The following E2F7 variants were observed in gnomAD, a reference collection of about 807,000 sequenced individuals.
The protein encoded by E2F7 is transcription factor E2F7.
E2F7 carries 35 observed loss-of-function variants against 81.1 expected under a neutral mutation model. The observed-to-expected ratio is 0.43, with a 90% confidence interval of 0.33 to 0.57. The LOEUF (loss-of-function observed/expected upper bound fraction) is 0.57, where lower values mean the gene tolerates loss of function less well. Ranked by LOEUF, E2F7 falls within the 20% of genes least tolerant of loss-of-function variation. The probability of loss-of-function intolerance (pLI) is 0.04; values close to 1 mark genes in which losing one functional copy is unlikely to be tolerated. For synonymous variants in E2F7, 416 were observed against 416.2 expected (o/e 1.00, Z 0.01); for missense variants, 961 against 1,093.7 (o/e 0.88, Z 1.71).
intron 4 of E2F7, among the ~76,000 whole-genome samples, chr12:77,048,941 T>G (rs1954964331): frequency 6.6e-6 from 1 of 152,196 alleles, no homozygotes; most frequent in Non-Finnish European, 1.5e-5. Flanking sequence ...GTAGGCTTCA[T>G]GAACCCCAAT....
intron 7 of E2F7, among the ~76,000 whole-genome samples, chr12:77,039,471 A>G (rs1387953342): frequency 6.6e-6 from 1 of 152,350 alleles, no homozygotes; most frequent in African/African-American, 2.4e-5. Flanking sequence ...TTCAGTAATA[A>G]GAAAGCAAAC....
At chr12:77,045,872 G>C in intron 5 of E2F7, 166 bp downstream of exon 5, 1 of 867,752 alleles carries the variant, frequency 1.2e-6, no homozygotes, top group South Asian at 1.9e-5. Flanking sequence ...CAAGTGGGCA[G>C]TCCAGTTGGG....
intron 3 of E2F7, among the ~76,000 whole-genome samples, chr12:77,051,605 G>A (rs1408954688): frequency 6.6e-6 from 1 of 152,054 alleles, no homozygotes; most frequent in East Asian, 1.9e-4. Flanking sequence ...CCTGCACACT[G>A]TGCACATGTA....
In E2F7 at chr12:77,045,634, A is replaced by G. The variant is rs74726733; in HGVS notation, c.829+404T>C. 40 of 162,002 alleles carry G rather than the reference A, an allele frequency of 2.5e-4. 1 individual carries two copies. The East Asian group carries it at 7.0e-3, about 29-fold the overall frequency. The allele number at this position is 162,002 out of a possible 1,614,324, so 10.0% of individuals were successfully genotyped here. On this transcript the variant is annotated intron_variant, in intron 5 of 12. Transcript: ENST00000322886. ...GCAGAGGTTGTCTGTCTTTCTTATC[A>G]ACATTTTCTGTGAATGGAGTTCTTT... is the stretch of plus-strand genomic sequence containing the variant.
At chr12:77,048,025 T>C (rs143617126) in intron 4 of E2F7, among the ~76,000 whole-genome samples, 2 of 152,342 alleles carry the variant, frequency 1.3e-5, no homozygotes, top group African/African-American at 4.8e-5. Context: ...ATCTAGTGGC[T>C]AGACATCCCA....
chr12:77,039,018 A>G (rs547332813), intron 7 of E2F7, among the ~76,000 whole-genome samples: 1 of 152,368 alleles, frequency 6.6e-6, no homozygotes, highest in South Asian at 2.1e-4. Context: ...CACCAAATAG[A>G]CAAACAGATC....
chr12:77,044,711 A>C lies in E2F7; in HGVS notation c.914T>G (p.Ile305Ser). 6.2e-7 allele frequency: 1 copy of C among 1,614,094 alleles called. No individual in the cohort carries two copies. The highest frequency in any genetic ancestry group is 8.5e-7 in the Non-Finnish European group (1 of 1,180,020). The change falls in exon 6 of 13, where the codon ATT (isoleucine) becomes AGT (serine). Residue 305 changes from isoleucine (I) to serine (S), a missense_variant. This residue lies in a region of E2F7 where 301 missense variants were observed against 405.0 expected (regional missense o/e 0.74). Transcript: ENST00000322886. ...TTTGGCAGCCACATCCAGAGTGACA[A>C]TCTTGGTTTTGGAGACGAGGAACAG... is the stretch of plus-strand genomic sequence containing the variant. ...VMLFLVSKTK[I>S]VTLDVAAKIL...
At chr12:77,037,977 AAAAG>A (rs1954866230) in intron 7 of E2F7, among the ~76,000 whole-genome samples, 1 of 152,166 alleles carries the variant, frequency 6.6e-6, no homozygotes, top group African/African-American at 2.4e-5. Context: ...CTAACTAATA[AAAAG>A]AAAGCTGAAG....
chr12:77,035,222 G>T (rs924717226), intron 7 of E2F7, among the ~76,000 whole-genome samples: 1 of 152,198 alleles, frequency 6.6e-6, no homozygotes, highest in African/African-American at 2.4e-5. Flanking sequence ...AGAGCTGGGA[G>T]TCCTGGAAAG....
intron 3 of E2F7, among the ~76,000 whole-genome samples, chr12:77,054,682 C>A (rs940929290): frequency 6.6e-6 from 1 of 152,016 alleles, no homozygotes; most frequent in African/African-American, 2.4e-5. Flanking sequence ...ACTAGTTCTG[C>A]CAAAGTAAGA....
intron 3 of E2F7, among the ~76,000 whole-genome samples, chr12:77,054,658 G>T (rs1955017557): frequency 6.6e-6 from 1 of 152,010 alleles, no homozygotes; most frequent in African/African-American, 2.4e-5. Flanking sequence ...ATTGTTTTAG[G>T]GGCGTGTTAA....
rs1021326207 is a variant in E2F7 at position 77,056,236 on chromosome 12, CA to C, written c.94-107del. ...TAAGACTTGAAAATACAAATAGGACCATATGTTTAGGGCTGAAAAGTATCAG... is the reference window on the plus strand; with the variant it reads ...TAAGACTTGAAAATACAAATAGGACCTATGTTTAGGGCTGAAAAGTATCAG... On this transcript the variant is annotated intron_variant, in intron 2 of 12. Coordinates refer to ENST00000322886, the MANE Select transcript of E2F7 (RefSeq NM_203394.3). 2.2e-5 allele frequency: 26 copies of C among 1,205,132 alleles called. No individual in the cohort carries two copies. In the African/African-American group the frequency reaches 3.7e-4, roughly 17 times the overall value. 74.7% of individuals were successfully genotyped at this position (1,205,132 alleles called of 1,614,324 possible).
chr12:77,035,955 T>C (rs1954845798), intron 7 of E2F7, among the ~76,000 whole-genome samples: 1 of 19,076 alleles, frequency 5.2e-5, no homozygotes, highest in African/African-American at 2.3e-4. Flanking sequence ...TAATGGCAGA[T>C]TAGAAATTGT....
intron 2 of E2F7, among the ~76,000 whole-genome samples, chr12:77,062,961 G>T (rs972751302): frequency 2.0e-4 from 31 of 151,560 alleles, no homozygotes; most frequent in African/African-American, 6.8e-4. Flanking sequence ...GCCAACTGCG[G>T]TCCAAAAATA....
At position 77,058,556 on chromosome 12, in the gene E2F7, G is replaced by GCA. The variant is rs555141314; in HGVS notation, c.94-2428_94-2427dup. 1.3e-3 allele frequency among the ~76,000 whole-genome samples: 199 copies of GCA among 152,256 alleles called. 1 individual carries two copies. Among genetic ancestry groups the GCA allele is most frequent in the African/African-American group, 4.5e-3 (188 of 41,546 alleles). ...CCCCACTAGTACCTAGCGAGAGGCA[G>GCA]CATGGGGAAATAGTTATATACACAG... On this transcript the variant is annotated intron_variant, in intron 2 of 12. Transcript: ENST00000322886.
rs1167637142 is a variant in E2F7 at position 77,023,838 on chromosome 12, A to C, written c.*177T>G. 2.7e-6 allele frequency: 2 copies of C among 750,042 alleles called. No individual in the cohort carries two copies. The highest frequency in any genetic ancestry group is 4.2e-6 in the Non-Finnish European group (2 of 480,508). 46.5% of individuals were successfully genotyped at this position (750,042 alleles called of 1,614,324 possible). A position where few individuals can be genotyped will look rare whatever the true frequency, so the allele number is the denominator to read the frequency against. ...GAGTCGGAACTCTAACTGGTATTAA[A>C]TGCACAATTAATTACTTTCAGGAAA... On this transcript the variant is annotated 3_prime_UTR_variant, in exon 13 of 13. Transcript: ENST00000322886.
intron 3 of E2F7, among the ~76,000 whole-genome samples, chr12:77,051,120 G>C (rs901037408): frequency 5.3e-5 from 8 of 152,172 alleles, no homozygotes; most frequent in Non-Finnish European, 1.0e-4. Context: ...CTTTTCATAA[G>C]ATTCTAGGTG....
chr12:77,023,126 T>C lies in E2F7; in HGVS notation c.*889A>G, dbSNP rs373819180. On this transcript the variant is annotated 3_prime_UTR_variant, in exon 13 of 13. Coordinates refer to ENST00000322886, the MANE Select transcript of E2F7 (RefSeq NM_203394.3). ...AACAGCAATTGTTAGAAGGCATCCA[T>C]ATCTGATGGCGCTACAGCTAAATAT... 6.6e-6 allele frequency: 1 copy of C among 152,244 alleles called. No individual in the cohort carries two copies. Among genetic ancestry groups the C allele is most frequent in the African/African-American group, 2.4e-5 (1 of 41,452 alleles). The allele number at this position is 152,244 out of a possible 1,614,324, so 9.4% of individuals were successfully genotyped here. A position where few individuals can be genotyped will look rare whatever the true frequency, so the allele number is the denominator to read the frequency against.
intron 9 of E2F7, 116 bp from the exon 10 acceptor site, chr12:77,030,448 C>T (rs1020469572): frequency 5.1e-5 from 66 of 1,301,070 alleles, no homozygotes; most frequent in Admixed American, 2.0e-4. Context: ...CAGGCAGATA[C>T]GAAAGCGCAC....
Sources: allele counts gnomAD v4.1 joint callset (sites outside exome capture counted in the v4.1 genomes callset), GRCh38; gene constraint gnomAD v4.1.1; regional missense constraint gnomAD v4.1.1; transcripts MANE v1.5; gene names NCBI Gene and HGNC (gene_info 2026-07-23, HGNC 2026-07-21).